The following LMO3 variants were observed in gnomAD, a reference collection of about 807,000 sequenced individuals.
LMO3 encodes the protein LIM domain only protein 3.
LMO3 carries 2 observed loss-of-function variants against 15.8 expected under a neutral mutation model. The ratio of observed to expected loss-of-function variants is 0.13; its 90% confidence interval spans 0.05 to 0.40. The LOEUF is 0.40. Ranked by LOEUF, LMO3 falls within the 10% of genes least tolerant of loss-of-function variation. The pLI is 0.99. For missense variants in LMO3, 86 were observed against 182.2 expected (o/e 0.47, Z 3.04); for synonymous variants, 62 against 63.8 (o/e 0.97, Z 0.13).
At position 16,593,473 on chromosome 12, in the gene LMO3, T is replaced by G. The variant is rs1356743692; in HGVS notation, c.206+7182A>C. 6.6e-6 allele frequency among the ~76,000 whole-genome samples: 1 copy of G among 151,752 alleles called. No homozygotes were observed. The highest frequency in any genetic ancestry group is 1.5e-5 in the Non-Finnish European group (1 of 67,774). On this transcript the variant is annotated intron_variant, in intron 2 of 3. Transcript: ENST00000537304. This position sits in a 1 kb window ranked among gnomAD's most constrained non-coding sequence, Gnocchi z 4.2. ...CTTGTAAAGCCCACAACTAGAGATTTTTGCATCAGAAAACACTAACATGAT... is the reference window on the plus strand; with the variant it reads ...CTTGTAAAGCCCACAACTAGAGATTGTTGCATCAGAAAACACTAACATGAT...
rs1007526430 is a variant in LMO3, at chr12:16,550,369, G to A, written c.*853C>T. On this transcript the variant is annotated 3_prime_UTR_variant, in exon 4 of 4. Transcript: ENST00000537304. ...AGTAACCCTTTGGAAAAAATTTTAC[G>A]TGATACCCAAAGGCACTAGTTCACA... is the stretch of plus-strand genomic sequence containing the variant. 6 of 152,362 alleles carry A rather than the reference G, an allele frequency of 3.9e-5. No individual in the cohort carries two copies. Among genetic ancestry groups the A allele is most frequent in the Admixed American group, 6.6e-5 (1 of 15,230 alleles). 9.4% of individuals were successfully genotyped at this position (152,362 alleles called of 1,614,324 possible).
At chr12:16,578,339 A>C (rs534938542) in intron 2 of LMO3, among the ~76,000 whole-genome samples, 1 of 152,230 alleles carries the variant, frequency 6.6e-6, no homozygotes, top group South Asian at 2.1e-4. Context: ...GAACAATATA[A>C]ATTAAAAATA....
chr12:16,569,904 TTTATC>T (rs1420828640), intron 2 of LMO3, among the ~76,000 whole-genome samples: 13 of 152,126 alleles, frequency 8.5e-5, no homozygotes, highest in African/African-American at 3.1e-4. Flanking sequence ...AAACAAATAT[TTTATC>T]TAATCACTAT....
rs1941891529 is a variant in LMO3 at position 16,549,069 on chromosome 12, G to C, written c.*2153C>G. ...CCAGTTAAACCTTAAAAGATCATCT[G>C]AATAAGATCCTGACAATTATAATTT... On this transcript the variant is annotated 3_prime_UTR_variant, in exon 4 of 4. Transcript: ENST00000537304. The C allele has an allele frequency of 6.6e-6, 1 of 152,122 alleles. No individual in the cohort carries two copies. The highest frequency in any genetic ancestry group is 2.1e-4 in the South Asian group (1 of 4,834). The allele number at this position is 152,122 out of a possible 1,614,324, so 9.4% of individuals were successfully genotyped here. A position where few individuals can be genotyped will look rare whatever the true frequency, so the allele number is the denominator to read the frequency against.
At chr12:16,571,292 C>T (rs1038544934) in intron 2 of LMO3, among the ~76,000 whole-genome samples, 4 of 152,026 alleles carry the variant, frequency 2.6e-5, no homozygotes, top group Non-Finnish European at 2.9e-5. Context: ...TTTTATTGTA[C>T]TGAATTTCTT....
chr12:16,586,691 A>G lies in LMO3; in HGVS notation c.206+13964T>C, dbSNP rs528347047. On this transcript the variant is annotated intron_variant, in intron 2 of 3. Transcript: ENST00000537304. This position sits in a 1 kb window ranked among gnomAD's most constrained non-coding sequence, Gnocchi z 4.3. ...TCGGGGTAGAGATTTCAAGATACAC[A>G]TCTTTTGACCCCCCATTGCAGTAGA... Among the ~76,000 whole-genome samples the G allele has an allele frequency of 2.6e-5, 4 of 152,138 alleles. No individual in the cohort carries two copies. The highest frequency in any genetic ancestry group is 5.9e-5 in the Non-Finnish European group (4 of 68,028).
At chr12:16,557,453 G>A (rs1275078001) in intron 3 of LMO3, among the ~76,000 whole-genome samples, 1 of 151,136 alleles carries the variant, frequency 6.6e-6, no homozygotes, top group Non-Finnish European at 1.5e-5. Flanking sequence ...TCTGCTAGGA[G>A]AATAATTGGT....
Position 16,581,878 on chromosome 12 carries a change from G to T in LMO3, c.206+18777C>A, listed in dbSNP as rs570516781. ...TGGCATAGAATAAAACTATAAATTT[G>T]ATTTACTTTTTTATTTAGCTGCTAT... On this transcript the variant is annotated intron_variant, in intron 2 of 3. Transcript: ENST00000537304. Among the ~76,000 whole-genome samples the T allele has an allele frequency of 2.6e-5, 4 of 151,890 alleles. No homozygotes were observed. In the South Asian group the frequency reaches 8.3e-4, roughly 32 times the overall value.
rs755359866 is a variant in LMO3 at position 16,560,535 on chromosome 12, G to A, written c.210C>T (p.Leu70=). The change falls in exon 3 of 4, where the codon CTC becomes CTT. Residue 70 remains leucine, a synonymous_variant. Coordinates refer to ENST00000537304, the MANE Select transcript of LMO3 (RefSeq NM_018640.5). This position sits in a 1 kb window ranked among gnomAD's most constrained non-coding sequence, Gnocchi z 5.0. The part of the protein sequence containing the change: ...LILCRRDYLR[L]FGVTGNCAAC... ...CAGCGCAGTTTCCCGTTACACCAAA[G>A]AGCCTAGAATAAGAAACATTTTTTT... 6.2e-7 allele frequency: 1 copy of A among 1,605,330 alleles called. No homozygotes were observed. The highest frequency in any genetic ancestry group is 8.5e-7 in the Non-Finnish European group (1 of 1,177,674).
intron 2 of LMO3, among the ~76,000 whole-genome samples, chr12:16,566,030 AT>A (rs1942595537): frequency 1.2e-5 from 1 of 82,108 alleles, no homozygotes; most frequent in Admixed American, 1.2e-4. Context: ...ATATATATAT[AT>A]ATATATATAA....
rs1192735724 is a variant in LMO3 at position 16,584,381 on chromosome 12, G to A, written c.206+16274C>T. Among the ~76,000 whole-genome samples, 1 of 152,146 alleles carries A rather than the reference G, an allele frequency of 6.6e-6. No individual in the cohort carries two copies. The highest frequency in any genetic ancestry group is 1.5e-5 in the Non-Finnish European group (1 of 68,028). On this transcript the variant is annotated intron_variant, in intron 2 of 3. Coordinates refer to ENST00000537304, the MANE Select transcript of LMO3 (RefSeq NM_018640.5). The surrounding 1 kb of genome is among the most constrained non-coding windows in gnomAD (Gnocchi z 5.2). ...GCAAGTTTCAGGTAAGGCAACAGAT[G>A]AAATTCAGTTAAAACAATATTTTGA...
rs1292437986 is a variant in LMO3, at chr12:16,597,676, T to A, written c.206+2979A>T. The A allele has an allele frequency of 6.6e-6, 1 of 151,968 alleles. No individual in the cohort carries two copies. The highest frequency in any genetic ancestry group is 1.5e-5 in the Non-Finnish European group (1 of 67,848). 9.4% of individuals were successfully genotyped at this position (151,968 alleles called of 1,614,324 possible). A position where few individuals can be genotyped will look rare whatever the true frequency, so the allele number is the denominator to read the frequency against. ...TCCTTATTCTTACTTATGTTCTTAA[T>A]AATTTAGACATGAAATATAAATATG... On this transcript the variant is annotated intron_variant, in intron 2 of 3. Coordinates refer to ENST00000537304, the MANE Select transcript of LMO3 (RefSeq NM_018640.5). This position sits in a 1 kb window ranked among gnomAD's most constrained non-coding sequence, Gnocchi z 5.0.
chr12:16,609,784 T>C (rs1944090581), upstream of LMO3: 1 of 152,166 alleles, frequency 6.6e-6, no homozygotes, highest in South Asian at 2.1e-4. Flanking sequence ...TATATGTATA[T>C]TTCTAAACAC....
rs1941892291 is a variant in LMO3, at chr12:16,549,102, A to T, written c.*2120T>A. ...TCCTGACAATTATAATTTTACATCC[A>T]TGTGAATTTCAAGCAATTGTTAATG... On this transcript the variant is annotated 3_prime_UTR_variant, in exon 4 of 4. Coordinates refer to ENST00000537304, the MANE Select transcript of LMO3 (RefSeq NM_018640.5). 1.3e-5 allele frequency: 2 copies of T among 152,152 alleles called. No individual in the cohort carries two copies. Among genetic ancestry groups the T allele is most frequent in the Admixed American group, 1.3e-4 (2 of 15,274 alleles). 9.4% of individuals were successfully genotyped at this position (152,152 alleles called of 1,614,324 possible). A position where few individuals can be genotyped will look rare whatever the true frequency, so the allele number is the denominator to read the frequency against.
rs1490141267 is a variant in LMO3 at position 16,589,079 on chromosome 12, A to T, written c.206+11576T>A. Among the ~76,000 whole-genome samples, 1 of 148,868 alleles carries T rather than the reference A, an allele frequency of 6.7e-6. No individual in the cohort carries two copies. Among genetic ancestry groups the T allele is most frequent in the Non-Finnish European group, 1.5e-5 (1 of 66,694 alleles). On this transcript the variant is annotated intron_variant, in intron 2 of 3. Transcript: ENST00000537304. This position sits in a 1 kb window ranked among gnomAD's most constrained non-coding sequence, Gnocchi z 4.2. The stretch of plus-strand genomic sequence containing the variant: ...GGTGTAGCAGAAGGGGGTCGACGTC[A>T]GGTCTGGATACCTCACCGTGATGCA...
rs1182934675 is a variant in LMO3, at chr12:16,598,793, A to C, written c.206+1862T>G. ...AGCTAAGAAGCATGTTATACTCACA[A>C]TATAGGTATTTCCTTGGCAAATTTT... On this transcript the variant is annotated intron_variant, in intron 2 of 3. Coordinates refer to ENST00000537304, the MANE Select transcript of LMO3 (RefSeq NM_018640.5). The surrounding 1 kb of genome is among the most constrained non-coding windows in gnomAD (Gnocchi z 4.3). The C allele has an allele frequency of 1.6e-4, 29 of 178,690 alleles. No individual in the cohort carries two copies. In the Admixed American group the frequency reaches 1.7e-3, roughly 11 times the overall value. The allele number at this position is 178,690 out of a possible 1,614,324, so 11.1% of individuals were successfully genotyped here.
intron 2 of LMO3, among the ~76,000 whole-genome samples, chr12:16,590,127 A>G (rs1269142826): frequency 5.9e-5 from 9 of 152,130 alleles, no homozygotes; most frequent in Non-Finnish European, 5.9e-5. Flanking sequence ...GTTTAAACTT[A>G]AACATTTTTA....
rs938417013 is a variant in LMO3 at position 16,576,448 on chromosome 12, T to C, written c.207-15910A>G. 2.0e-5 allele frequency among the ~76,000 whole-genome samples: 3 copies of C among 152,226 alleles called. No homozygotes were observed. The highest frequency in any genetic ancestry group is 4.8e-5 in the African/African-American group (2 of 41,464). ...CTGGAAGACTACTGCTGCTTTTTTTTCATATTCAGATCAAATGTCAATGGA... is the reference window on the plus strand; with the variant it reads ...CTGGAAGACTACTGCTGCTTTTTTTCCATATTCAGATCAAATGTCAATGGA... On this transcript the variant is annotated intron_variant, in intron 2 of 3. Transcript: ENST00000537304. This position sits in a 1 kb window ranked among gnomAD's most constrained non-coding sequence, Gnocchi z 4.1.
At chr12:16,590,127 A>T (rs1269142826) in intron 2 of LMO3, among the ~76,000 whole-genome samples, 1 of 152,130 alleles carries the variant, frequency 6.6e-6, no homozygotes, top group Middle Eastern at 3.2e-3. Context: ...GTTTAAACTT[A>T]AACATTTTTA....
Sources: gnomAD v4.1 joint callset for allele counts (sites outside exome capture counted in the v4.1 genomes callset) on GRCh38, gnomAD v4.1.1 for gene constraint, Gnocchi (gnomAD v3.1) non-coding constraint, MANE v1.5 for transcripts, NCBI Gene and HGNC (gene_info 2026-07-23, HGNC 2026-07-21) for gene names.